The following CAPRIN2 variants were observed in gnomAD, a reference collection of about 807,000 sequenced individuals.
The protein encoded by CAPRIN2 is caprin family member 2.
Under a neutral mutation model 130.4 loss-of-function variants are expected in CAPRIN2, and 66 were observed. That is an observed-to-expected ratio of 0.51 (90% CI 0.42 to 0.62). The LOEUF is 0.62. CAPRIN2 is among the 20% of genes least tolerant of loss of function. The pLI is 0.00. For synonymous variants in CAPRIN2, 471 were observed against 444.1 expected, an observed-to-expected ratio of 1.06 and a Z score of -0.76; for missense variants, 1,185 against 1,246.6, an observed-to-expected ratio of 0.95 and a Z score of 0.74.
In CAPRIN2 at chr12:30,714,472, C is replaced by A. The variant is rs143469086; in HGVS notation, c.2500+487G>T. The stretch of plus-strand genomic sequence containing the variant: ...TAATGGGATGACAGGCGTCAGCCAC[C>A]ACACCCAGCCTGTCTAGAGTATTTT... On this transcript the variant is annotated intron_variant, in intron 14 of 16. Transcript: ENST00000298892. Among the ~76,000 whole-genome samples the A allele has an allele frequency of 9.5e-3, 1,443 of 152,238 alleles. 19 individuals carry two copies. Among genetic ancestry groups the A allele is most frequent in the African/African-American group, 0.033 (1,374 of 41,506 alleles).
rs567348427 is a variant in CAPRIN2, at chr12:30,754,176, G to C, written c.-413C>G. ...CCTACAAGGCAATCCATCACTACTG[G>C]ACATTTGCAGACAGGTACTCTCTCA... On this transcript the variant is annotated 5_prime_UTR_variant, in exon 1 of 17. Coordinates refer to ENST00000298892, the Ensembl canonical transcript of CAPRIN2. The C allele has an allele frequency of 2.5e-4, 42 of 166,386 alleles. No individual in the cohort carries two copies. In the South Asian group the frequency reaches 5.7e-3, roughly 22 times the overall value. The allele number at this position is 166,386 out of a possible 1,614,324, so 10.3% of individuals were successfully genotyped here. A position where few individuals can be genotyped will look rare whatever the true frequency, so the allele number is the denominator to read the frequency against.
At chr12:30,754,887 T>TCCC (rs965102924), upstream of CAPRIN2, 1 of 151,582 alleles carries the variant, frequency 6.6e-6, no homozygotes, top group Non-Finnish European at 1.5e-5. Flanking sequence ...CCCTCTCCCC[T>TCCC]CCCGGTCCTC....
chr12:30,739,421 GGGATA>G (rs2066338171), intron 3 of CAPRIN2, among the ~76,000 whole-genome samples: 1 of 152,168 alleles, frequency 6.6e-6, no homozygotes, highest in Non-Finnish European at 1.5e-5. Flanking sequence ...GGTAAGAGGA[GGGATA>G]GGATTAGAAA....
At chr12:30,720,039 G>GT (rs1565573415) in intron 12 of CAPRIN2, 1 of 152,178 alleles carries the variant, frequency 6.6e-6, no homozygotes, top group Non-Finnish European at 1.5e-5. Flanking sequence ...AGTAAAAACT[G>GT]TAACTTAGAA....
rs1436022534 is a variant in CAPRIN2 at position 30,710,782 on chromosome 12, T to A, written c.2666-312A>T. ...TCAGGTCTGAACACTTTTTACTTCA[T>A]CTTCCTCCCATAATTCTTAATTTCT... is the stretch of plus-strand genomic sequence containing the variant. On this transcript the variant is annotated intron_variant, in intron 16 of 16. Coordinates refer to ENST00000298892, the Ensembl canonical transcript of CAPRIN2. This position sits in a 1 kb window ranked among gnomAD's most constrained non-coding sequence, Gnocchi z 4.8. Among the ~76,000 whole-genome samples, 1 of 152,216 alleles carries A rather than the reference T, an allele frequency of 6.6e-6. No homozygotes were observed. The highest frequency in any genetic ancestry group is 1.5e-5 in the Non-Finnish European group (1 of 68,034).
chr12:30,710,989 G>A lies in CAPRIN2; in HGVS notation c.2666-519C>T, dbSNP rs1268509267. On this transcript the variant is annotated intron_variant, in intron 16 of 16. Coordinates refer to ENST00000298892, the Ensembl canonical transcript of CAPRIN2. This position sits in a 1 kb window ranked among gnomAD's most constrained non-coding sequence, Gnocchi z 4.8. ...GTCATACACTTGTAATGTTTTAAGT[G>A]CCATACAAAAACACTGCTCACACTA... Among the ~76,000 whole-genome samples the A allele has an allele frequency of 2.0e-5, 3 of 152,114 alleles. No individual in the cohort carries two copies. The highest frequency in any genetic ancestry group is 7.2e-5 in the African/African-American group (3 of 41,416).
intron 3 of CAPRIN2, among the ~76,000 whole-genome samples, chr12:30,736,410 A>C (rs944335722): frequency 9.2e-5 from 14 of 151,542 alleles, no homozygotes; most frequent in Non-Finnish European, 1.8e-4. Context: ...AAAAAAAAAA[A>C]CCACTAAGAT....
chr12:30,753,645 G>A lies in CAPRIN2; in HGVS notation c.119C>T (p.Pro40Leu), dbSNP rs767993955. 3.7e-6 allele frequency: 6 copies of A among 1,614,040 alleles called. No homozygotes were observed. In the African/African-American group the frequency reaches 6.7e-5, roughly 18 times the overall value. Residue 40 changes from proline to leucine, a missense_variant, in exon 1 of 17, where the codon CCT (proline) becomes CTT (leucine). Around this residue, in one of 2 missense-constraint regions of CAPRIN2, gnomAD observed 1,104 missense variants for 1,104.3 expected, o/e 1.00. Coordinates refer to ENST00000298892, the Ensembl canonical transcript of CAPRIN2. The stretch of plus-strand genomic sequence containing the variant: ...TGGGGGAAAGTTAAGTATAAAATTA[G>A]GACTAGAGGGACACAGCCAGGCAAT...
intron 2 of CAPRIN2, 78 bp downstream of exon 3, chr12:30,750,993 C>T (rs1226530121): frequency 2.0e-6 from 2 of 1,017,860 alleles, no homozygotes; most frequent in Non-Finnish European, 3.1e-6. Flanking sequence ...GCTATAAAGA[C>T]TGATCGCACT....
intron 3 of CAPRIN2, among the ~76,000 whole-genome samples, chr12:30,739,107 T>C (rs968686332): frequency 5.9e-5 from 9 of 152,194 alleles, no homozygotes; most frequent in Non-Finnish European, 1.0e-4. Context: ...GGCATGCATA[T>C]GTTCATTACA....
chr12:30,729,651 C>T (rs2061985404), intron 7 of CAPRIN2, among the ~76,000 whole-genome samples: 1 of 152,172 alleles, frequency 6.6e-6, no homozygotes, highest in South Asian at 2.1e-4. Flanking sequence ...GCCTTAGGAC[C>T]ATTCTCCCCA....
intron 5 of CAPRIN2, among the ~76,000 whole-genome samples, chr12:30,732,548 AT>A (rs1489225366): frequency 6.6e-6 from 1 of 152,000 alleles, no homozygotes; most frequent in Non-Finnish European, 1.5e-5. Flanking sequence ...CCCTTTTGCA[AT>A]TAATTGTCCT....
intron 3 of CAPRIN2, among the ~76,000 whole-genome samples, chr12:30,736,154 A>C (rs901355919): frequency 6.6e-6 from 1 of 151,902 alleles, no homozygotes; most frequent in Non-Finnish European, 1.5e-5. Flanking sequence ...AAAAAAAAAA[A>C]AGCAGTTTCC....
chr12:30,736,735 C>T (rs1024492814), intron 3 of CAPRIN2, among the ~76,000 whole-genome samples: 1 of 152,176 alleles, frequency 6.6e-6, no homozygotes, highest in Non-Finnish European at 1.5e-5. Flanking sequence ...TGCAAGACCT[C>T]AGTATAGACT....
chr12:30,714,887 T>C, intron 14 of CAPRIN2, 72 bp downstream of exon 16: 1 of 1,276,674 alleles, frequency 7.8e-7, no homozygotes, highest in Non-Finnish European at 1.1e-6. Flanking sequence ...CAAGGTTAGG[T>C]AAAAATGGTG....
At chr12:30,722,771 G>A (rs1447351581) in intron 11 of CAPRIN2, among the ~76,000 whole-genome samples, 1 of 151,980 alleles carries the variant, frequency 6.6e-6, no homozygotes, top group Admixed American at 6.6e-5. Context: ...TGTGGTGGCA[G>A]GCCCTATAAT....
At chr12:30,717,592 T>C (rs1591968192) in intron 12 of CAPRIN2, among the ~76,000 whole-genome samples, 5 of 151,044 alleles carry the variant, frequency 3.3e-5, no homozygotes, top group Non-Finnish European at 7.4e-5. Flanking sequence ...CATTTTACCA[T>C]AGTAAAAAAA....
chr12:30,750,150 G>C (rs897391614), intron 2 of CAPRIN2, among the ~76,000 whole-genome samples: 1 of 152,192 alleles, frequency 6.6e-6, no homozygotes, highest in African/African-American at 2.4e-5. Context: ...CGCACCATTT[G>C]CAGAGCTCAC....
chr12:30,728,089 CAT>C (rs2061464917), intron 8 of CAPRIN2, among the ~76,000 whole-genome samples: 1 of 152,116 alleles, frequency 6.6e-6, no homozygotes, highest in East Asian at 1.9e-4. Flanking sequence ...ATTTTCATAT[CAT>C]GTTATATTGT....
Sources: allele counts gnomAD v4.1 joint callset (sites outside exome capture counted in the v4.1 genomes callset), GRCh38; gene constraint gnomAD v4.1.1; regional missense constraint gnomAD v4.1.1; non-coding constraint Gnocchi (gnomAD v3.1); transcripts MANE v1.5; gene names NCBI Gene and HGNC (gene_info 2026-07-23, HGNC 2026-07-21).